Variants in SLC25A21 observed in about 807,000 individuals in gnomAD.
SLC25A21 encodes the protein mitochondrial 2-oxodicarboxylate carrier.
Under a neutral mutation model 43.8 loss-of-function variants are expected in SLC25A21, and 47 were observed. The ratio of observed to expected loss-of-function variants is 1.07; its 90% CI spans 0.85 to 1.37. SLC25A21 has a LOEUF of 1.37. SLC25A21 is among the 40% of genes most tolerant of loss of function. The pLI, the probability that SLC25A21 is intolerant of heterozygous loss-of-function variation, is 0.00. For synonymous variants in SLC25A21, 131 were observed against 121.3 expected (o/e 1.08, Z -0.52); for missense variants, 352 against 350.2 (o/e 1.00, Z -0.04).
chr14:36,746,034 A>G (rs1037980799), intron 3 of SLC25A21, among the ~76,000 whole-genome samples: 1 of 152,198 alleles, frequency 6.6e-6, no homozygotes, highest in Non-Finnish European at 1.5e-5. Flanking sequence ...ACCTCTATGG[A>G]AAACAGGATG....
intron 1 of SLC25A21, among the ~76,000 whole-genome samples, chr14:37,025,326 G>C (rs1961070925): frequency 6.6e-6 from 1 of 152,104 alleles, no homozygotes; most frequent in Non-Finnish European, 1.5e-5. Context: ...AAGAACATGA[G>C]ATAACATAAA....
chr14:36,797,893 G>C (rs1378328336), intron 3 of SLC25A21, among the ~76,000 whole-genome samples: 1 of 152,164 alleles, frequency 6.6e-6, no homozygotes, highest in Non-Finnish European at 1.5e-5. Context: ...TAGCTATAAA[G>C]CTGTCAGTCC....
chr14:37,103,499 A>C (rs912939044), intron 1 of SLC25A21, among the ~76,000 whole-genome samples: 2 of 152,222 alleles, frequency 1.3e-5, no homozygotes, highest in Non-Finnish European at 2.9e-5. Context: ...TAACTCTTTC[A>C]ATAAGCAAGT....
At chr14:36,848,969 A>G (rs1215614254) in intron 2 of SLC25A21, among the ~76,000 whole-genome samples, 1 of 152,184 alleles carries the variant, frequency 6.6e-6, no homozygotes, top group Admixed American at 6.5e-5. Context: ...GTGCAGGCCC[A>G]GATGATTCAT....
At chr14:36,826,126 T>C (rs1482803249) in intron 2 of SLC25A21, among the ~76,000 whole-genome samples, 2 of 152,298 alleles carry the variant, frequency 1.3e-5, no homozygotes, top group East Asian at 3.9e-4. Flanking sequence ...TCACAGAAGT[T>C]TGCATTACAA....
rs1176318724 is a variant in SLC25A21, at chr14:36,734,544, G to A, written c.233C>T (p.Pro78Leu). Residue 78 changes from proline to leucine, a missense_variant, in exon 4 of 10, where the codon CCA becomes CTA. Physicochemically the swap from Pro to Leu is moderately conservative, Grantham distance 98 (BLOSUM62 -3). Coordinates refer to ENST00000331299, the MANE Select transcript of SLC25A21 (RefSeq NM_030631.4). ...TTTTGGGGTTTCAGCCAAGATAGGT[G>A]GCAGAATTCCCTTGTAAAAACCAAA... ...GLFGFYKGIL[P>L]PILAETPKRA... 1.2e-6 allele frequency: 2 copies of A among 1,607,658 alleles called. No homozygotes were observed. The highest frequency in any genetic ancestry group is 1.7e-6 in the Non-Finnish European group (2 of 1,176,734).
At chr14:37,003,686 A>T (rs1960538313) in intron 1 of SLC25A21, among the ~76,000 whole-genome samples, 1 of 152,148 alleles carries the variant, frequency 6.6e-6, no homozygotes, top group South Asian at 2.1e-4. Flanking sequence ...GATGCACCTA[A>T]ACAAAGTTTA....
chr14:37,027,093 C>G (rs1326762213), intron 1 of SLC25A21, among the ~76,000 whole-genome samples: 1 of 152,124 alleles, frequency 6.6e-6, no homozygotes, highest in Non-Finnish European at 1.5e-5. Context: ...GGAGCAGGGA[C>G]AGCGTGTTTA....
At chr14:36,766,583 T>G (rs762474894) in intron 3 of SLC25A21, among the ~76,000 whole-genome samples, 1 of 152,200 alleles carries the variant, frequency 6.6e-6, no homozygotes, top group Non-Finnish European at 1.5e-5. Flanking sequence ...TCTTCACAAG[T>G]TGCAACCCAG....
At chr14:36,815,296 C>A (rs147342271) in intron 2 of SLC25A21, among the ~76,000 whole-genome samples, 180 of 151,932 alleles carry the variant, frequency 1.2e-3, no homozygotes, top group African/African-American at 4.2e-3. Context: ...TGCAACAAAT[C>A]TGCACGTTCT....
intron 1 of SLC25A21, among the ~76,000 whole-genome samples, chr14:36,956,046 T>C (rs1161006575): frequency 6.6e-6 from 1 of 152,148 alleles, no homozygotes; most frequent in Non-Finnish European, 1.5e-5. Flanking sequence ...TTTCAGGCCA[T>C]TTTTTTCAAC....
chr14:36,970,090 G>A (rs1451467793), intron 1 of SLC25A21, among the ~76,000 whole-genome samples: 1 of 152,026 alleles, frequency 6.6e-6, no homozygotes, highest in Non-Finnish European at 1.5e-5. Flanking sequence ...AGACATGAAA[G>A]TCTCAGAAGA....
intron 3 of SLC25A21, among the ~76,000 whole-genome samples, chr14:36,812,784 C>A (rs1281117060): frequency 1.3e-5 from 2 of 152,052 alleles, no homozygotes; most frequent in Admixed American, 6.6e-5. Flanking sequence ...AGAGCGTGGG[C>A]TTTAGGGTCA....
chr14:36,684,033 G>A (rs1467688761), intron 8 of SLC25A21, among the ~76,000 whole-genome samples, 153 bp from the exon 9 acceptor site: 4 of 152,206 alleles, frequency 2.6e-5, no homozygotes, highest in African/African-American at 9.7e-5. Flanking sequence ...ATTCTCTGCA[G>A]CAAACTGGAT....
intron 1 of SLC25A21, among the ~76,000 whole-genome samples, chr14:37,085,364 C>G (rs932546064): frequency 2.0e-5 from 3 of 152,046 alleles, no homozygotes; most frequent in Non-Finnish European, 2.9e-5. Context: ...TCTTGCTCAC[C>G]CCTGTATCCT....
intron 2 of SLC25A21, among the ~76,000 whole-genome samples, chr14:36,863,089 A>G (rs1447841095): frequency 6.6e-6 from 1 of 152,144 alleles, no homozygotes; most frequent in African/African-American, 2.4e-5. Flanking sequence ...GAAATAATTC[A>G]CTTTCCCGTG....
chr14:36,763,383 T>C (rs1566586576), intron 3 of SLC25A21, among the ~76,000 whole-genome samples: 1 of 152,222 alleles, frequency 6.6e-6, no homozygotes, highest in Non-Finnish European at 1.5e-5. Context: ...TTAGGGTGAA[T>C]CACATAAACT....
At chr14:36,854,894 G>A (rs1026169166) in intron 2 of SLC25A21, among the ~76,000 whole-genome samples, 3 of 150,910 alleles carry the variant, frequency 2.0e-5, no homozygotes, top group Non-Finnish European at 4.4e-5. Flanking sequence ...CAGTGTAGGA[G>A]GGTAATTGGT....
chr14:37,114,794 G>C (rs573379049), intron 1 of SLC25A21, among the ~76,000 whole-genome samples: 1 of 151,994 alleles, frequency 6.6e-6, no homozygotes, highest in Non-Finnish European at 1.5e-5. Flanking sequence ...ATGGCGGGGG[G>C]GGAATTGGTG....
Sources: allele counts gnomAD v4.1 joint callset (sites outside exome capture counted in the v4.1 genomes callset), GRCh38; gene constraint gnomAD v4.1.1; transcripts MANE v1.5; gene names NCBI Gene and HGNC (gene_info 2026-07-23, HGNC 2026-07-21).